PPP6R2: variants seen among roughly 807,000 people sequenced by gnomAD.
PPP6R2 encodes serine/threonine-protein phosphatase 6 regulatory subunit 2.
Under a neutral mutation model 100.2 loss-of-function variants are expected in PPP6R2, and 62 were observed. The observed-to-expected ratio is 0.62, with a 90% confidence interval of 0.50 to 0.76. The LOEUF is 0.76. Among genes scored for constraint, PPP6R2 ranks in the 30% least tolerant of loss-of-function variants. The probability of loss-of-function intolerance (pLI) is 0.00; values close to 1 mark genes in which losing one functional copy is unlikely to be tolerated. For missense variants in PPP6R2, 1,142 were observed against 1,276.3 expected, an observed-to-expected ratio of 0.89 and a Z score of 1.60; for synonymous variants, 525 against 514.7, an observed-to-expected ratio of 1.02 and a Z score of -0.27.
the PPP6R2 span, among the ~76,000 whole-genome samples, chr22:50,335,137 C>T: frequency 3.3e-5 from 5 of 151,164 alleles, no homozygotes; most frequent in East Asian, 4.0e-4. Context: ...CCACAACCTC[C>T]GCCTCCCAGG....
chr22:50,438,759 G>A lies in PPP6R2; in HGVS notation c.2125G>A (p.Glu709Lys), dbSNP rs1182781953. The A allele has an allele frequency of 1.3e-6, 2 of 1,594,192 alleles. No homozygotes were observed. The highest frequency in any genetic ancestry group is 1.3e-5 in the African/African-American group (1 of 74,508). ...AGCGCCCCCTGTGGAGGGTGACTCA[G>A]AAGGTGGTGCTGGGCGCCAGGGGCT... Reference protein sequence around the residue: ...KEAPPVEGDSEGAMWTAVFDE... With the variant: ...KEAPPVEGDSKGAMWTAVFDE... The change falls in exon 19 of 24, where the codon GAA becomes AAA. Residue 709 changes from glutamate (E) to lysine (K), a missense_variant. Glu to Lys is a moderately conservative substitution (Grantham distance 56). Transcript: ENST00000612753.
chr22:50,375,683 T>C (rs2051343077), intron 2 of PPP6R2, among the ~76,000 whole-genome samples: 1 of 152,018 alleles, frequency 6.6e-6, no homozygotes, highest in Admixed American at 6.6e-5. Context: ...TTTGTGAGGA[T>C]TTTTAGCCCA....
upstream of PPP6R2, among the ~76,000 whole-genome samples, chr22:50,339,997 T>TG (rs2042354186): frequency 7.1e-6 from 1 of 141,736 alleles, no homozygotes; most frequent in South Asian, 2.3e-4. Context: ...GTGTGTTATG[T>TG]GGCGTGTGTG....
chr22:50,332,235 T>TG, the PPP6R2 span, among the ~76,000 whole-genome samples: 16 of 151,972 alleles, frequency 1.1e-4, no homozygotes, highest in African/African-American at 3.9e-4. Flanking sequence ...TAGAAGATTT[T>TG]TTTTTTTTTT....
intron 19 of PPP6R2, among the ~76,000 whole-genome samples, chr22:50,439,153 C>T (rs1328844611): frequency 6.6e-6 from 1 of 152,214 alleles, no homozygotes; most frequent in African/African-American, 2.4e-5. Context: ...CCTCACAGGC[C>T]GCATGGCTGA....
At chr22:50,379,490 CG>C (rs1325275562) in intron 2 of PPP6R2, among the ~76,000 whole-genome samples, 1 of 151,524 alleles carries the variant, frequency 6.6e-6, no homozygotes, top group Non-Finnish European at 1.5e-5. Context: ...AGTGAGACCC[CG>C]TATCAAAGTA....
At chr22:50,385,102 A>G (rs913501572) in intron 2 of PPP6R2, among the ~76,000 whole-genome samples, 2 of 152,112 alleles carry the variant, frequency 1.3e-5, no homozygotes, top group African/African-American at 4.8e-5. Flanking sequence ...ATTAATTCAC[A>G]AATGGATTAA....
At chr22:50,414,969 C>T (rs912002089) in intron 5 of PPP6R2, among the ~76,000 whole-genome samples, 1 of 152,252 alleles carries the variant, frequency 6.6e-6, no homozygotes, top group African/African-American at 2.4e-5. Context: ...ACTTTCCTCG[C>T]CTGCCTCCTT....
chr22:50,392,659 G>T (rs2055877228), intron 2 of PPP6R2, among the ~76,000 whole-genome samples: 1 of 152,234 alleles, frequency 6.6e-6, no homozygotes, highest in South Asian at 2.1e-4. Flanking sequence ...GGAGACCCAG[G>T]AGCTGCCCAG....
At chr22:50,405,163 G>A (rs1196562110) in intron 3 of PPP6R2, among the ~76,000 whole-genome samples, 1 of 152,254 alleles carries the variant, frequency 6.6e-6, no homozygotes, top group South Asian at 2.1e-4. Context: ...TGGCTTAGAA[G>A]GAAAGGAGAG....
chr22:50,421,623 C>A (rs1053621707), intron 8 of PPP6R2, among the ~76,000 whole-genome samples: 2 of 151,858 alleles, frequency 1.3e-5, no homozygotes, highest in African/African-American at 2.4e-5. Flanking sequence ...TTGAAAACAC[C>A]ACAGGGGGTA....
At chr22:50,363,083 A>G (rs1351475133) in intron 1 of PPP6R2, among the ~76,000 whole-genome samples, 1 of 152,162 alleles carries the variant, frequency 6.6e-6, no homozygotes, top group Non-Finnish European at 1.5e-5. Flanking sequence ...TATAAACATG[A>G]AGATGTGGGG....
chr22:50,394,101 C>T lies in PPP6R2; in HGVS notation c.193C>T (p.Pro65Ser). The change falls in exon 3 of 24, where the codon CCG becomes TCG. Residue 65 changes from proline (P) to serine (S), a missense_variant. Physicochemically the swap from Pro to Ser is moderately conservative, Grantham distance 74. Coordinates refer to ENST00000612753, the MANE Select transcript of PPP6R2 (RefSeq NM_001242898.2). ...EELVSLITQD[P>S]PLDMEEKVRF... ...GCTGGTGAGCCTCATCACACAGGATCCGCCCCTGGACATGGAGGAGAAGGT... is the reference window on the plus strand; with the variant it reads ...GCTGGTGAGCCTCATCACACAGGATTCGCCCCTGGACATGGAGGAGAAGGT... 6.2e-7 allele frequency: 1 copy of T among 1,614,162 alleles called. No individual in the cohort carries two copies. The highest frequency in any genetic ancestry group is 8.5e-7 in the Non-Finnish European group (1 of 1,180,026).
Position 50,419,433 on chromosome 22 carries a change from A to G in PPP6R2, c.816A>G (p.Leu272=). 1 of 1,614,078 alleles carries G rather than the reference A, an allele frequency of 6.2e-7. No homozygotes were observed. Residue 272 remains leucine, a synonymous_variant, in exon 8 of 24, where the codon TTA becomes TTG. Transcript: ENST00000612753. ...GCCTCGTCAGTGGGACTCAGGTGTT[A>G]CTCACCTTGCTGGAAACCAGGCGGG... ...ESCLVSGTQV[L]LTLLETRRVG...
At chr22:50,385,808 G>A (rs1394376051) in intron 2 of PPP6R2, among the ~76,000 whole-genome samples, 8 of 131,832 alleles carry the variant, frequency 6.1e-5, no homozygotes, top group Non-Finnish European at 1.1e-4. Context: ...GAGCCACCGC[G>A]CCCAGCTTTT....
Position 50,435,014 on chromosome 22 carries a change from C to T in PPP6R2, c.1449C>T (p.Ile483=), listed in dbSNP as rs373299291. 6.0e-5 allele frequency: 96 copies of T among 1,604,502 alleles called. No homozygotes were observed. Among genetic ancestry groups the T allele is most frequent in the Middle Eastern group, 3.4e-4 (2 of 5,918 alleles). ...GGAACATGGGCCACCTCACACGGAT[C>T]GCCAACGCGGTGGTGCAGAACCTGG... The part of the protein sequence containing the change: ...RRGNMGHLTR[I]ANAVVQNLER... The change falls in exon 13 of 24, where the codon ATC becomes ATT. Residue 483 remains isoleucine, a synonymous_variant. Transcript: ENST00000612753.
intron 22 of PPP6R2, among the ~76,000 whole-genome samples, chr22:50,441,699 GGGAGGCTCTCC>G (rs2065666801): frequency 6.6e-6 from 1 of 152,144 alleles, no homozygotes. Flanking sequence ...AGAGTGGAGA[GGGAGGCTCTCC>G]CTGTGAGGAG....
intron 21 of PPP6R2, 120 bp from the exon 22 acceptor site, chr22:50,440,700 CAT>C (rs1474620125): frequency 6.5e-5 from 74 of 1,139,058 alleles, no homozygotes; most frequent in Non-Finnish European, 7.9e-5. Flanking sequence ...CACACAGGCA[CAT>C]GTGTGCAGGC....
chr22:50,356,411 T>A (rs1234973468), intron 1 of PPP6R2, among the ~76,000 whole-genome samples: 1 of 150,842 alleles, frequency 6.6e-6, no homozygotes, highest in Non-Finnish European at 1.5e-5. Context: ...GAGGTAGTCA[T>A]CACACCTCAG....
Sources: allele counts gnomAD v4.1 joint callset (sites outside exome capture counted in the v4.1 genomes callset), GRCh38; gene constraint gnomAD v4.1.1; transcripts MANE v1.5; gene names NCBI Gene and HGNC (gene_info 2026-07-23, HGNC 2026-07-21).